CDK5R1: variants seen among roughly 807,000 people sequenced by gnomAD.
CDK5R1 encodes the protein cyclin dependent kinase 5 regulatory subunit 1.
Under a neutral mutation model 19.0 loss-of-function variants are expected in CDK5R1, and 1 was observed. The ratio of observed to expected loss-of-function variants is 0.05; its 90% CI spans 0.02 to 0.25. The LOEUF (loss-of-function observed/expected upper bound fraction) is 0.25, where lower values mean the gene tolerates loss of function less well. Among genes scored for constraint, CDK5R1 ranks in the 10% least tolerant of loss-of-function variants. CDK5R1 has a pLI of 1.00. For missense variants in CDK5R1, 314 were observed against 401.0 expected (o/e 0.78, Z 1.85); for synonymous variants, 225 against 187.7 (o/e 1.20, Z -1.62).
chr17:32,489,863 TGAAG>T lies in CDK5R1; in HGVS notation c.*1320_*1323del, dbSNP rs1908809858. On this transcript the variant is annotated 3_prime_UTR_variant, in exon 2 of 2. Transcript: ENST00000313401. ...CGGCTGTGGAGAACAAAGACCAATG[TGAAG>T]ACACTACAGAGGATTCTGTCTTCCA... 6.0e-6 allele frequency: 1 copy of T among 167,302 alleles called. No homozygotes were observed. Among genetic ancestry groups the T allele is most frequent in the Admixed American group, 6.5e-5 (1 of 15,294 alleles). The allele number at this position is 167,302 out of a possible 1,614,324, so 10.4% of individuals were successfully genotyped here.
Position 32,488,360 on chromosome 17 carries a change from C to T in CDK5R1, c.740C>T (p.Pro247Leu). 1 of 1,614,158 alleles carries T rather than the reference C, an allele frequency of 6.2e-7. No individual in the cohort carries two copies. The highest frequency in any genetic ancestry group is 8.5e-7 in the Non-Finnish European group (1 of 1,180,038). Residue 247 changes from proline (P) to leucine (L), a missense_variant, in exon 2 of 2, where the codon CCC (proline) becomes CTC (leucine). Pro to Leu is a moderately conservative substitution (Grantham distance 98, BLOSUM62 -3). Transcript: ENST00000313401. ...AACGAGATCTCCTACCCGCTCAAGC[C>T]CTTCCTGGTGGAGAGCTGCAAGGAG... ...MGNEISYPLKPFLVESCKEAF... is the reference protein window; with the variant it reads ...MGNEISYPLKLFLVESCKEAF...
rs961765056 is a variant in CDK5R1 at position 32,487,018 on chromosome 17, CCGCCGCCGCCGT to C, written c.-278_-267del. 6.4e-5 allele frequency: 10 copies of C among 155,140 alleles called. No homozygotes were observed. The highest frequency in any genetic ancestry group is 2.0e-4 in the African/African-American group (8 of 40,766). The allele number at this position is 155,140 out of a possible 1,614,324, so 9.6% of individuals were successfully genotyped here. A position where few individuals can be genotyped will look rare whatever the true frequency, so the allele number is the denominator to read the frequency against. ...AGAAGCTCCCTAGCTGCCGCCGCCGCCGCCGCCGCCGTCGCCGCCGCCGAGCGCGAGCCCAGC... is the reference window on the plus strand; with the variant it reads ...AGAAGCTCCCTAGCTGCCGCCGCCGCCGCCGCCGCCGAGCGCGAGCCCAGC... On this transcript the variant is annotated 5_prime_UTR_variant, in exon 1 of 2. Coordinates refer to ENST00000313401, the MANE Select transcript of CDK5R1 (RefSeq NM_003885.3). This position sits in a 1 kb window ranked among gnomAD's most constrained non-coding sequence, Gnocchi z 7.9.
chr17:32,488,388 C>T lies in CDK5R1; in HGVS notation c.768C>T (p.Ala256=), dbSNP rs943457059. The change falls in exon 2 of 2, where the codon GCC becomes GCT. Residue 256 remains alanine, a synonymous_variant. Coordinates refer to ENST00000313401, the MANE Select transcript of CDK5R1 (RefSeq NM_003885.3). ...TCCTGGTGGAGAGCTGCAAGGAGGC[C>T]TTTTGGGACCGTTGCCTCTCTGTCA... ...KPFLVESCKE[A]FWDRCLSVIN... The T allele has an allele frequency of 6.2e-7, 1 of 1,614,104 alleles. No individual in the cohort carries two copies. Among genetic ancestry groups the T allele is most frequent in the South Asian group, 1.1e-5 (1 of 91,090 alleles).
Position 32,490,626 on chromosome 17 carries a change from A to T in CDK5R1, c.*2082A>T, listed in dbSNP as rs1442227154. The T allele has an allele frequency of 6.0e-6, 1 of 167,058 alleles. No homozygotes were observed. Among genetic ancestry groups the T allele is most frequent in the Non-Finnish European group, 1.5e-5 (1 of 68,124 alleles). The allele number at this position is 167,058 out of a possible 1,614,324, so 10.3% of individuals were successfully genotyped here. A position where few individuals can be genotyped will look rare whatever the true frequency, so the allele number is the denominator to read the frequency against. On this transcript the variant is annotated 3_prime_UTR_variant, in exon 2 of 2. Coordinates refer to ENST00000313401, the MANE Select transcript of CDK5R1 (RefSeq NM_003885.3). ...GATATACTTGAGTGTGCAAGCAAAG[A>T]ACCCATTTGCCATGCTGCTATGAAG...
rs1269454797 is a variant in CDK5R1, at chr17:32,487,111, G to T, written c.-197G>T. 2 of 146,418 alleles carry T rather than the reference G, an allele frequency of 1.4e-5. No homozygotes were observed. The highest frequency in any genetic ancestry group is 3.0e-5 in the Non-Finnish European group (2 of 65,852). 9.1% of individuals were successfully genotyped at this position (146,418 alleles called of 1,614,324 possible). ...CGAGCGCCGGGACCGCGGCGGCGGG[G>T]CCGCGGCGCGCATTGCGGAGGGCGC... On this transcript the variant is annotated 5_prime_UTR_variant, in exon 1 of 2. Transcript: ENST00000313401. This position sits in a 1 kb window ranked among gnomAD's most constrained non-coding sequence, Gnocchi z 7.9.
chr17:32,490,241 G>C lies in CDK5R1; in HGVS notation c.*1697G>C, dbSNP rs941837090. ...AGACTTCACACAGCACCTCCTCTCT[G>C]CTGGGTTTCCACACAGCCTGTCTTC... On this transcript the variant is annotated 3_prime_UTR_variant, in exon 2 of 2. Transcript: ENST00000313401. 3.0e-5 allele frequency: 5 copies of C among 167,158 alleles called. No individual in the cohort carries two copies. The highest frequency in any genetic ancestry group is 6.5e-5 in the Admixed American group (1 of 15,290). The allele number at this position is 167,158 out of a possible 1,614,324, so 10.4% of individuals were successfully genotyped here.
Position 32,488,644 on chromosome 17 carries a change from G to A in CDK5R1, c.*100G>A. On this transcript the variant is annotated 3_prime_UTR_variant, in exon 2 of 2. Transcript: ENST00000313401. ...AGTATGTGTCTAGCAAAGCCACCAA[G>A]GGCCTCACCTTTCCCACAGTCTCTC... 4 of 1,554,180 alleles carry A rather than the reference G, an allele frequency of 2.6e-6. No individual in the cohort carries two copies. In the South Asian group the frequency reaches 4.7e-5, roughly 18 times the overall value.
Position 32,488,724 on chromosome 17 carries a change from C to T in CDK5R1, c.*180C>T. On this transcript the variant is annotated 3_prime_UTR_variant, in exon 2 of 2. Coordinates refer to ENST00000313401, the MANE Select transcript of CDK5R1 (RefSeq NM_003885.3). ...CTCTGGGCACTTTTGAACTCACGAG[C>T]CTTGCGCAAAACCCAGAAGATGTAT... 8.4e-7 allele frequency: 1 copy of T among 1,191,640 alleles called. No homozygotes were observed. Among genetic ancestry groups the T allele is most frequent in the East Asian group, 2.6e-5 (1 of 38,306 alleles). The allele number at this position is 1,191,640 out of a possible 1,614,324, so 73.8% of individuals were successfully genotyped here.
At position 32,488,620 on chromosome 17, in the gene CDK5R1, G is replaced by C; in HGVS notation, c.*76G>C. 3.1e-6 allele frequency: 5 copies of C among 1,589,876 alleles called. No homozygotes were observed. The highest frequency in any genetic ancestry group is 4.3e-6 in the Non-Finnish European group (5 of 1,168,902). On this transcript the variant is annotated 3_prime_UTR_variant, in exon 2 of 2. Transcript: ENST00000313401. ...TATTATTAAATCAGTTTTGTGTACA[G>C]TATGTGTCTAGCAAAGCCACCAAGG... is the stretch of plus-strand genomic sequence containing the variant.
At position 32,490,086 on chromosome 17, in the gene CDK5R1, C is replaced by G. The variant is rs1908817714; in HGVS notation, c.*1542C>G. On this transcript the variant is annotated 3_prime_UTR_variant, in exon 2 of 2. Coordinates refer to ENST00000313401, the MANE Select transcript of CDK5R1 (RefSeq NM_003885.3). Reference sequence around the variant, plus strand: ...CAGAACCTGGTGGCTGGAGGCATTCCCAGAGGTGGGGAAGAGAGCCTGCCC... The same window carrying G: ...CAGAACCTGGTGGCTGGAGGCATTCGCAGAGGTGGGGAAGAGAGCCTGCCC... 1 of 167,048 alleles carries G rather than the reference C, an allele frequency of 6.0e-6. No individual in the cohort carries two copies. Among genetic ancestry groups the G allele is most frequent in the South Asian group, 2.1e-4 (1 of 4,832 alleles). 10.3% of individuals were successfully genotyped at this position (167,048 alleles called of 1,614,324 possible). A position where few individuals can be genotyped will look rare whatever the true frequency, so the allele number is the denominator to read the frequency against.
In CDK5R1 at chr17:32,488,713, G is replaced by T; in HGVS notation, c.*169G>T. 1 of 1,278,824 alleles carries T rather than the reference G, an allele frequency of 7.8e-7. No homozygotes were observed. Among genetic ancestry groups the T allele is most frequent in the Non-Finnish European group, 1.1e-6 (1 of 913,238 alleles). The allele number at this position is 1,278,824 out of a possible 1,614,324, so 79.2% of individuals were successfully genotyped here. A position where few individuals can be genotyped will look rare whatever the true frequency, so the allele number is the denominator to read the frequency against. On this transcript the variant is annotated 3_prime_UTR_variant, in exon 2 of 2. Transcript: ENST00000313401. The stretch of plus-strand genomic sequence containing the variant: ...CCTGCCAAGAACTCTGGGCACTTTT[G>T]AACTCACGAGCCTTGCGCAAAACCC...
rs1908793573 is a variant in CDK5R1, at chr17:32,489,417, A to T, written c.*873A>T. On this transcript the variant is annotated 3_prime_UTR_variant, in exon 2 of 2. Transcript: ENST00000313401. ...GCCTGCCTTCTGGGCAAGGTGAGGG[A>T]TGCCATACCTTGAGACCAAGCCGGT... The T allele has an allele frequency of 2.4e-6, 1 of 410,612 alleles. No homozygotes were observed. Among genetic ancestry groups the T allele is most frequent in the African/African-American group, 2.1e-5 (1 of 48,438 alleles). The allele number at this position is 410,612 out of a possible 1,614,324, so 25.4% of individuals were successfully genotyped here.
rs34511797 is a variant in CDK5R1, at chr17:32,488,418, C to T, written c.798C>T (p.Asn266=). 9.5e-4 allele frequency: 1,536 copies of T among 1,614,096 alleles called. 11 individuals carry two copies. The African/African-American group carries it at 0.017, about 17-fold the overall frequency. Residue 266 remains asparagine (N), a synonymous_variant, in exon 2 of 2, where the codon AAC becomes AAT. Coordinates refer to ENST00000313401, the MANE Select transcript of CDK5R1 (RefSeq NM_003885.3). ...AFWDRCLSVI[N]LMSSKMLQIN... ...GGGACCGTTGCCTCTCTGTCATCAA[C>T]CTCATGAGCTCAAAGATGCTGCAGA...
At position 32,488,605 on chromosome 17, in the gene CDK5R1, T is replaced by G. The variant is rs1363786432; in HGVS notation, c.*61T>G. 1 of 1,605,966 alleles carries G rather than the reference T, an allele frequency of 6.2e-7. No individual in the cohort carries two copies. Among genetic ancestry groups the G allele is most frequent in the East Asian group, 2.2e-5 (1 of 44,502 alleles). Reference sequence around the variant, plus strand: ...GCATTTTTAAGAATTTATTATTAAATCAGTTTTGTGTACAGTATGTGTCTA... The same window carrying G: ...GCATTTTTAAGAATTTATTATTAAAGCAGTTTTGTGTACAGTATGTGTCTA... On this transcript the variant is annotated 3_prime_UTR_variant, in exon 2 of 2. Transcript: ENST00000313401.
rs1403095172 is a variant in CDK5R1, at chr17:32,490,948, G to T, written c.*2404G>T. ...GTTAAACTTGCAATGAAAAGAAAAT[G>T]TGCCATTTTTTTCACTCAGAATTAT... On this transcript the variant is annotated 3_prime_UTR_variant, in exon 2 of 2. Coordinates refer to ENST00000313401, the MANE Select transcript of CDK5R1 (RefSeq NM_003885.3). 1 of 167,092 alleles carries T rather than the reference G, an allele frequency of 6.0e-6. No homozygotes were observed. Among genetic ancestry groups the T allele is most frequent in the African/African-American group, 2.4e-5 (1 of 41,468 alleles). 10.4% of individuals were successfully genotyped at this position (167,092 alleles called of 1,614,324 possible).
Position 32,489,217 on chromosome 17 carries a change from TG to T in CDK5R1, c.*675del, listed in dbSNP as rs1378686328. The stretch of plus-strand genomic sequence containing the variant: ...CCTTGTCTGCTGCTCCCAGCCACGT[TG>T]GTGGTATTGGCCGATGAGCTGGTTT... On this transcript the variant is annotated 3_prime_UTR_variant, in exon 2 of 2. Coordinates refer to ENST00000313401, the MANE Select transcript of CDK5R1 (RefSeq NM_003885.3). 4.2e-6 allele frequency: 2 copies of T among 470,846 alleles called. No individual in the cohort carries two copies. The highest frequency in any genetic ancestry group is 4.7e-5 in the Admixed American group (2 of 42,540). The allele number at this position is 470,846 out of a possible 1,614,324, so 29.2% of individuals were successfully genotyped here.
rs376510355 is a variant in CDK5R1 at position 32,488,500 on chromosome 17, G to C, written c.880G>C (p.Gly294Arg). Residue 294 changes from glycine to arginine, a missense_variant, in exon 2 of 2, where the codon GGC (glycine) becomes CGC (arginine). Around this residue, in one of 3 missense-constraint regions of CDK5R1, gnomAD observed 106 missense variants for 132.1 expected, o/e 0.80. Coordinates refer to ENST00000313401, the MANE Select transcript of CDK5R1 (RefSeq NM_003885.3). ...QVFSDLKNESGQEDKKRLLLG... is the reference protein window; with the variant it reads ...QVFSDLKNESRQEDKKRLLLG... Reference sequence around the variant, plus strand: ...CTTCTCCGACCTGAAGAACGAGAGCGGCCAGGAGGACAAGAAGCGGCTCCT... The same window carrying C: ...CTTCTCCGACCTGAAGAACGAGAGCCGCCAGGAGGACAAGAAGCGGCTCCT... 1.2e-6 allele frequency: 2 copies of C among 1,614,190 alleles called. No homozygotes were observed. Among genetic ancestry groups the C allele is most frequent in the Admixed American group, 1.7e-5 (1 of 60,030 alleles).
In CDK5R1 at chr17:32,490,212, GCA is replaced by G. The variant is rs1162453366; in HGVS notation, c.*1671_*1672del. The G allele has an allele frequency of 6.0e-6, 1 of 167,114 alleles. No homozygotes were observed. Among genetic ancestry groups the G allele is most frequent in the African/African-American group, 2.4e-5 (1 of 41,432 alleles). 10.4% of individuals were successfully genotyped at this position (167,114 alleles called of 1,614,324 possible). ...CGGTGGAAGGAGCCTGCGGCTGCTG[GCA>G]CAGACTTCACACAGCACCTCCTCTC... On this transcript the variant is annotated 3_prime_UTR_variant, in exon 2 of 2. Transcript: ENST00000313401.
chr17:32,488,502 C>T lies in CDK5R1; in HGVS notation c.882C>T (p.Gly294=). ...TCTCCGACCTGAAGAACGAGAGCGG[C>T]CAGGAGGACAAGAAGCGGCTCCTCC... The part of the protein sequence containing the change: ...QVFSDLKNES[G]QEDKKRLLLG... Residue 294 remains glycine (G), a synonymous_variant, in exon 2 of 2, where the codon GGC becomes GGT. Transcript: ENST00000313401. 1 of 1,614,184 alleles carries T rather than the reference C, an allele frequency of 6.2e-7. No homozygotes were observed. Among genetic ancestry groups the T allele is most frequent in the Non-Finnish European group, 8.5e-7 (1 of 1,180,036 alleles).
Sources: allele counts gnomAD v4.1 joint callset, GRCh38; gene constraint gnomAD v4.1.1; regional missense constraint gnomAD v4.1.1; non-coding constraint Gnocchi (gnomAD v3.1); transcripts MANE v1.5; gene names NCBI Gene and HGNC (gene_info 2026-07-23, HGNC 2026-07-21).